The following CSMD1 variants were observed in gnomAD, a reference collection of about 807,000 sequenced individuals.
The protein encoded by CSMD1 is CUB and Sushi multiple domains 1.
In CSMD1, 213 loss-of-function variants were observed where a neutral mutation model predicts 417.5. That is an observed-to-expected ratio of 0.51 (90% CI 0.46 to 0.57). CSMD1 has a LOEUF of 0.57. Ranked by LOEUF, CSMD1 falls within the 20% of genes least tolerant of loss-of-function variation. CSMD1 has a pLI of 0.00. For synonymous variants in CSMD1, 2,862 were observed against 1,736.8 expected, an observed-to-expected ratio of 1.65 and a Z score of -16.11; for missense variants, 6,923 against 4,529.7, an observed-to-expected ratio of 1.53 and a Z score of -15.17.
intron 1 of CSMD1, among the ~76,000 whole-genome samples, chr8:4,888,980 T>C (rs1803931910): frequency 6.6e-6 from 1 of 151,984 alleles, no homozygotes; most frequent in Admixed American, 6.6e-5. Flanking sequence ...TTTCCAAGCA[T>C]CAAAGAAATG....
chr8:2,937,108 G>A lies in CSMD1; in HGVS notation c.*1477C>T, dbSNP rs915166839. On this transcript the variant is annotated 3_prime_UTR_variant, in exon 70 of 70. Transcript: ENST00000635120. ...AATTTGTTACATAAACTACCTCACG[G>A]CCACATCTTCTACTTCATGTTTTGA... The A allele has an allele frequency of 1.3e-5, 2 of 151,990 alleles. No homozygotes were observed. The highest frequency in any genetic ancestry group is 2.9e-5 in the Non-Finnish European group (2 of 68,012). The allele number at this position is 151,990 out of a possible 1,614,324, so 9.4% of individuals were successfully genotyped here.
intron 2 of CSMD1, among the ~76,000 whole-genome samples, chr8:4,579,061 C>G (rs1349190483): frequency 6.6e-6 from 1 of 151,742 alleles, no homozygotes; most frequent in South Asian, 2.1e-4. Context: ...AGATATCTTT[C>G]TGCAATAAAC....
intron 12 of CSMD1, among the ~76,000 whole-genome samples, chr8:3,423,148 C>T (rs925512036): frequency 6.6e-6 from 1 of 152,134 alleles, no homozygotes; most frequent in Non-Finnish European, 1.5e-5. Flanking sequence ...TTTAAATAAT[C>T]AGTTTAATTA....
intron 40 of CSMD1, among the ~76,000 whole-genome samples, chr8:3,145,748 G>C (rs1818804019): frequency 6.6e-6 from 1 of 152,170 alleles, no homozygotes; most frequent in African/African-American, 2.4e-5. Flanking sequence ...GCATAACCTG[G>C]TTATCCTTCT....
intron 2 of CSMD1, among the ~76,000 whole-genome samples, chr8:4,624,955 A>G (rs1340087653): frequency 6.6e-6 from 1 of 152,164 alleles, no homozygotes; most frequent in Non-Finnish European, 1.5e-5. Context: ...TTTTCATAAC[A>G]TAACTCTTTG....
chr8:4,445,428 C>CCA (rs1182034562), intron 2 of CSMD1, among the ~76,000 whole-genome samples: 2 of 152,108 alleles, frequency 1.3e-5, no homozygotes, highest in African/African-American at 4.8e-5. Flanking sequence ...TCTTACTGTA[C>CCA]CAAATCGTCT....
intron 1 of CSMD1, among the ~76,000 whole-genome samples, chr8:4,772,269 C>G (rs534471380): frequency 1.3e-5 from 2 of 152,320 alleles, no homozygotes; most frequent in African/African-American, 4.8e-5. Flanking sequence ...AAGTCAGCAA[C>G]AGTGAACCAG....
intron 26 of CSMD1, among the ~76,000 whole-genome samples, chr8:3,269,832 C>T (rs73660632): frequency 0.015 from 2,210 of 152,236 alleles, 48 homozygotes; most frequent in African/African-American, 0.05. Context: ...ACATGCTGTG[C>T]AGAGCTGGCA....
At chr8:4,966,914 A>C (rs577655953) in intron 1 of CSMD1, among the ~76,000 whole-genome samples, 1 of 152,310 alleles carries the variant, frequency 6.6e-6, no homozygotes, top group Non-Finnish European at 1.5e-5. Flanking sequence ...AAAGTGACTG[A>C]AGCATTGGCA....
intron 3 of CSMD1, among the ~76,000 whole-genome samples, chr8:4,180,321 G>C (rs113150390): frequency 6.6e-6 from 1 of 150,906 alleles, no homozygotes; most frequent in Non-Finnish European, 1.5e-5. Flanking sequence ...GTAAACTATT[G>C]CAAGGACAAA....
rs959099963 is a variant in CSMD1, at chr8:4,255,487, T to C, written c.415+164466A>G. Reference sequence around the variant, plus strand: ...TCTATAAAGACTTGTTCATTATAGATCTCATTTGAAATGTGCAATAGCAGT... The same window carrying C: ...TCTATAAAGACTTGTTCATTATAGACCTCATTTGAAATGTGCAATAGCAGT... On this transcript the variant is annotated intron_variant, in intron 3 of 69. Transcript: ENST00000635120. Among the ~76,000 whole-genome samples, 5 of 152,220 alleles carry C rather than the reference T, an allele frequency of 3.3e-5. No homozygotes were observed. The East Asian group carries it at 9.6e-4, about 29-fold the overall frequency.
intron 1 of CSMD1, among the ~76,000 whole-genome samples, chr8:4,940,825 T>C (rs746459401): frequency 6.6e-6 from 1 of 152,214 alleles, no homozygotes; most frequent in Admixed American, 6.5e-5. Flanking sequence ...TGTCAGCTTG[T>C]ACCATGTGTC....
At position 4,528,487 on chromosome 8, in the gene CSMD1, G is replaced by C. The variant is rs936216492; in HGVS notation, c.303-108422C>G. Among the ~76,000 whole-genome samples, 7 of 152,270 alleles carry C rather than the reference G, an allele frequency of 4.6e-5. No individual in the cohort carries two copies. In the South Asian group the frequency reaches 6.2e-4, roughly 14 times the overall value. Reference sequence around the variant, plus strand: ...AAATGAGAATCATGTAAGACTTAGAGGTCAGCTGTGTAGCATGGCGCCTAG... The same window carrying C: ...AAATGAGAATCATGTAAGACTTAGACGTCAGCTGTGTAGCATGGCGCCTAG... On this transcript the variant is annotated intron_variant, in intron 2 of 69. Coordinates refer to ENST00000635120, the MANE Select transcript of CSMD1 (RefSeq NM_033225.6).
At chr8:3,086,540 T>C (rs550256516) in intron 49 of CSMD1, among the ~76,000 whole-genome samples, 1 of 152,234 alleles carries the variant, frequency 6.6e-6, no homozygotes, top group Non-Finnish European at 1.5e-5. Flanking sequence ...GATAAAACTA[T>C]GAAAATTTCA....
intron 45 of CSMD1, 51 bp from the exon 46 acceptor site, chr8:3,106,692 G>C: frequency 9.5e-7 from 1 of 1,049,392 alleles, no homozygotes; most frequent in South Asian, 1.4e-5. Flanking sequence ...CCTTCTGAGT[G>C]TGTGAAGGTG....
At position 4,472,698 on chromosome 8, in the gene CSMD1, T is replaced by A. The variant is rs369433153; in HGVS notation, c.303-52633A>T. 1.8e-4 allele frequency among the ~76,000 whole-genome samples: 27 copies of A among 152,158 alleles called. No individual in the cohort carries two copies. The South Asian group carries it at 5.2e-3, about 29-fold the overall frequency. On this transcript the variant is annotated intron_variant, in intron 2 of 69. Coordinates refer to ENST00000635120, the MANE Select transcript of CSMD1 (RefSeq NM_033225.6). ...TTGTTATATCAAGAAAATATTGAAA[T>A]GAGCATATTAGGTGTAAACAGCACT...
intron 2 of CSMD1, among the ~76,000 whole-genome samples, chr8:4,606,832 G>C (rs538531448): frequency 3.3e-5 from 5 of 152,106 alleles, no homozygotes; most frequent in Non-Finnish European, 7.4e-5. Flanking sequence ...TATAAATCCA[G>C]AAATAATATG....
At chr8:3,341,683 G>C (rs7013200) in intron 23 of CSMD1, among the ~76,000 whole-genome samples, 19 of 152,098 alleles carry the variant, frequency 1.2e-4, no homozygotes, top group East Asian at 3.9e-4. Flanking sequence ...GGCAGGATTT[G>C]TAAGAAAAAG....
rs78460091 is a variant in CSMD1 at position 3,112,041 on chromosome 8, C to G, written c.6431-1706G>C. Among the ~76,000 whole-genome samples the G allele has an allele frequency of 2.0e-5, 3 of 152,002 alleles. No homozygotes were observed. The East Asian group carries it at 5.9e-4, about 30-fold the overall frequency. On this transcript the variant is annotated intron_variant, in intron 42 of 69. Coordinates refer to ENST00000635120, the MANE Select transcript of CSMD1 (RefSeq NM_033225.6). ...TCCTTAAGGTCTTTCCTGCTTGCTC[C>G]GGCTCTAGAGGTCCAGGCTCTGCTC... is the stretch of plus-strand genomic sequence containing the variant.
Sources: gnomAD v4.1 joint callset for allele counts (sites outside exome capture counted in the v4.1 genomes callset) on GRCh38, gnomAD v4.1.1 for gene constraint, MANE v1.5 for transcripts, NCBI Gene and HGNC (gene_info 2026-07-23, HGNC 2026-07-21) for gene names.